Variants in MYT1L observed in about 807,000 individuals in gnomAD.
The protein encoded by MYT1L is myelin transcription factor 1 like, also known as myelin transcription factor 1-like protein.
MYT1L carries 12 observed loss-of-function variants against 126.7 expected under a neutral mutation model. The observed-to-expected ratio is 0.09, with a 90% CI of 0.06 to 0.15. The LOEUF (loss-of-function observed/expected upper bound fraction) is 0.15, where lower values mean the gene tolerates loss of function less well. MYT1L is among the 10% of genes least tolerant of loss of function. The probability of loss-of-function intolerance (pLI) is 1.00; values close to 1 mark genes in which losing one functional copy is unlikely to be tolerated. For synonymous variants in MYT1L, 541 were observed against 604.2 expected (o/e 0.90, Z 1.53); for missense variants, 979 against 1,585.2 (o/e 0.62, Z 6.49).
At chr2:2,166,421 A>G (rs931400312) in intron 3 of MYT1L, among the ~76,000 whole-genome samples, 4 of 152,072 alleles carry the variant, frequency 2.6e-5, no homozygotes, top group African/African-American at 9.7e-5. Context: ...ATTGAATAAG[A>G]CTCTACATGC....
At chr2:1,849,169 A>T (rs2042892188) in intron 19 of MYT1L, among the ~76,000 whole-genome samples, 1 of 145,296 alleles carries the variant, frequency 6.9e-6, no homozygotes, top group South Asian at 2.2e-4. Context: ...AAAAAAAAAA[A>T]TCAGAAAAAC....
At chr2:2,243,849 G>A (rs997627058) in intron 2 of MYT1L, among the ~76,000 whole-genome samples, 1 of 152,128 alleles carries the variant, frequency 6.6e-6, no homozygotes, top group Non-Finnish European at 1.5e-5. Flanking sequence ...AAGGAGGCTC[G>A]AAGTTAGCTT....
At chr2:2,073,944 C>T (rs1310562291) in intron 3 of MYT1L, among the ~76,000 whole-genome samples, 2 of 152,180 alleles carry the variant, frequency 1.3e-5, no homozygotes, top group Non-Finnish European at 2.9e-5. Context: ...TACTGTACAC[C>T]TGCCTTCTGC....
At chr2:2,118,935 A>T (rs577907065) in intron 3 of MYT1L, among the ~76,000 whole-genome samples, 2 of 152,396 alleles carry the variant, frequency 1.3e-5, no homozygotes, top group South Asian at 4.1e-4. Context: ...TGACGGAATT[A>T]AGAGCTCTCT....
chr2:2,273,728 C>T (rs552330369), intron 2 of MYT1L, among the ~76,000 whole-genome samples: 1 of 152,264 alleles, frequency 6.6e-6, no homozygotes, highest in South Asian at 2.1e-4. Flanking sequence ...TGCTGTGCTG[C>T]ATGTCTGAGA....
intron 2 of MYT1L, among the ~76,000 whole-genome samples, chr2:2,198,004 C>A (rs2092900526): frequency 6.6e-6 from 1 of 151,678 alleles, no homozygotes; most frequent in Admixed American, 6.6e-5. Context: ...CATGCACACA[C>A]ATACACAATG....
intron 3 of MYT1L, among the ~76,000 whole-genome samples, chr2:2,066,296 T>C (rs1172409899): frequency 6.6e-6 from 1 of 152,188 alleles, no homozygotes; most frequent in Non-Finnish European, 1.5e-5. Flanking sequence ...TTCTAAGAAC[T>C]TTATAAACAT....
chr2:2,004,784 A>AGGCG (rs1558703078), intron 4 of MYT1L, among the ~76,000 whole-genome samples: 6 of 50,414 alleles, frequency 1.2e-4, no homozygotes, highest in South Asian at 6.2e-4. Context: ...TCCTGCAGGC[A>AGGCG]TTCTTTCCTG....
At chr2:2,303,845 A>G (rs1324808671) in intron 1 of MYT1L, 1 of 152,232 alleles carries the variant, frequency 6.6e-6, no homozygotes, top group Non-Finnish European at 1.5e-5. Flanking sequence ...ATGTAACGCG[A>G]CATTCAAGGA....
chr2:1,903,776 G>A (rs1474439646), intron 13 of MYT1L, among the ~76,000 whole-genome samples: 1 of 152,174 alleles, frequency 6.6e-6, no homozygotes, highest in Non-Finnish European at 1.5e-5. Flanking sequence ...TACCTAACTG[G>A]ACAATGAGGT....
At chr2:1,802,823 A>C in intron 22 of MYT1L, among the ~76,000 whole-genome samples, 1 of 152,264 alleles carries the variant, frequency 6.6e-6, no homozygotes, top group East Asian at 1.9e-4. Context: ...TTTGGCAAAC[A>C]CAATCACCCT....
At chr2:1,827,773 T>A (rs1572615232) in intron 21 of MYT1L, 4 of 152,134 alleles carry the variant, frequency 2.6e-5, no homozygotes, top group Admixed American at 2.6e-4. Context: ...ACCCCTCCCC[T>A]CCACACAATT....
chr2:2,268,149 G>T (rs1239850300), intron 2 of MYT1L, among the ~76,000 whole-genome samples: 1 of 152,132 alleles, frequency 6.6e-6, no homozygotes, highest in Non-Finnish European at 1.5e-5. Flanking sequence ...GCATGTACTT[G>T]TAGACTTTGG....
chr2:2,086,231 T>C (rs2076339502), intron 3 of MYT1L, among the ~76,000 whole-genome samples: 1 of 152,156 alleles, frequency 6.6e-6, no homozygotes, highest in South Asian at 2.1e-4. Context: ...CTAAATAATC[T>C]AGATAATATA....
At chr2:2,047,553 T>C (rs1454722311) in intron 4 of MYT1L, among the ~76,000 whole-genome samples, 3 of 152,240 alleles carry the variant, frequency 2.0e-5, no homozygotes, top group Admixed American at 6.5e-5. Flanking sequence ...GGGAGATACA[T>C]TGTATGAGGC....
chr2:2,309,377 G>T (rs1007792243), intron 1 of MYT1L, among the ~76,000 whole-genome samples: 1 of 150,932 alleles, frequency 6.6e-6, no homozygotes, highest in South Asian at 2.1e-4. Flanking sequence ...CTACACTTCA[G>T]TATACTCTGT....
At chr2:2,032,173 T>G (rs1463173251) in intron 4 of MYT1L, among the ~76,000 whole-genome samples, 3 of 95,446 alleles carry the variant, frequency 3.1e-5, no homozygotes, top group African/African-American at 4.9e-5. Flanking sequence ...CCGTTGCCAG[T>G]GCCTCTCATC....
intron 10 of MYT1L, among the ~76,000 whole-genome samples, chr2:1,919,151 C>G (rs537774548): frequency 6.6e-6 from 1 of 152,218 alleles, no homozygotes; most frequent in Non-Finnish European, 1.5e-5. Context: ...TCACAGATAT[C>G]GAAAGTGTTG....
intron 18 of MYT1L, among the ~76,000 whole-genome samples, chr2:1,868,669 GC>G (rs559322153): frequency 1.3e-4 from 20 of 152,318 alleles, no homozygotes; most frequent in Admixed American, 2.0e-4. Flanking sequence ...CCTTCTCTGT[GC>G]CCCCCTTCTC....
Sources: allele counts gnomAD v4.1 joint callset (sites outside exome capture counted in the v4.1 genomes callset), GRCh38; gene constraint gnomAD v4.1.1; transcripts MANE v1.5; gene names NCBI Gene and HGNC (gene_info 2026-07-23, HGNC 2026-07-21).